GRIP1: variants seen among roughly 807,000 people sequenced by gnomAD.
GRIP1 encodes the protein glutamate receptor-interacting protein 1.
In GRIP1, 45 loss-of-function variants were observed where a neutral mutation model predicts 129.9. That is an observed-to-expected ratio of 0.35 (90% CI 0.27 to 0.44). The LOEUF (loss-of-function observed/expected upper bound fraction) is 0.44, where lower values mean the gene tolerates loss of function less well. GRIP1 is among the 20% of genes least tolerant of loss of function. The pLI is 1.00. For synonymous variants in GRIP1, 530 were observed against 520.8 expected, an observed-to-expected ratio of 1.02 and a Z score of -0.24; for missense variants, 1,196 against 1,396.8, an observed-to-expected ratio of 0.86 and a Z score of 2.29.
intron 1 of GRIP1, among the ~76,000 whole-genome samples, chr12:66,853,058 G>A (rs770419649): frequency 1.4e-4 from 22 of 151,806 alleles, no homozygotes; most frequent in Non-Finnish European, 3.1e-4. Context: ...CCCTCAATAA[G>A]CATGAAAAGT....
At chr12:66,545,499 C>T (rs1201810283) in intron 2 of GRIP1, among the ~76,000 whole-genome samples, 2 of 152,122 alleles carry the variant, frequency 1.3e-5, no homozygotes, top group Non-Finnish European at 2.9e-5. Context: ...GCCCCATTTA[C>T]AATAGCCAAA....
At chr12:66,864,499 T>C (rs978282205) in intron 1 of GRIP1, among the ~76,000 whole-genome samples, 1 of 152,048 alleles carries the variant, frequency 6.6e-6, no homozygotes. Flanking sequence ...TAGGATTGCT[T>C]GAGCCTGTAA....
At chr12:66,582,358 C>T (rs2063422688) in intron 2 of GRIP1, among the ~76,000 whole-genome samples, 1 of 143,002 alleles carries the variant, frequency 7.0e-6, no homozygotes, top group Non-Finnish European at 1.6e-5. Context: ...GACAGGGATG[C>T]CCTCTCTCAC....
At chr12:66,608,782 G>C (rs2064659183) in intron 1 of GRIP1, among the ~76,000 whole-genome samples, 1 of 152,038 alleles carries the variant, frequency 6.6e-6, no homozygotes, top group Non-Finnish European at 1.5e-5. Flanking sequence ...GACCACATAG[G>C]ATTGCTGTGA....
intron 19 of GRIP1, among the ~76,000 whole-genome samples, chr12:66,383,286 C>A (rs887643438): frequency 1.4e-5 from 2 of 141,992 alleles, no homozygotes; most frequent in Non-Finnish European, 1.5e-5. Flanking sequence ...GACAGAGCGA[C>A]ACTCTGTCTC....
intron 7 of GRIP1, among the ~76,000 whole-genome samples, chr12:66,500,381 T>C (rs1378288959): frequency 1.3e-5 from 2 of 152,170 alleles, no homozygotes; most frequent in African/African-American, 4.8e-5. Flanking sequence ...TCATTAGGTG[T>C]TCAGTGTGGC....
At chr12:66,576,484 G>T (rs2063143558) in intron 2 of GRIP1, among the ~76,000 whole-genome samples, 1 of 152,202 alleles carries the variant, frequency 6.6e-6, no homozygotes, top group South Asian at 2.1e-4. Flanking sequence ...CATCAAGTTG[G>T]AAAGAGAAGC....
At chr12:66,907,830 A>G (rs2040960694) in intron 1 of GRIP1, among the ~76,000 whole-genome samples, 1 of 152,160 alleles carries the variant, frequency 6.6e-6, no homozygotes, top group Non-Finnish European at 1.5e-5. Flanking sequence ...GCACAACAAC[A>G]AGTTCCATTC....
At chr12:66,593,451 T>A (rs890590776) in intron 2 of GRIP1, among the ~76,000 whole-genome samples, 2 of 152,192 alleles carry the variant, frequency 1.3e-5, no homozygotes, top group Non-Finnish European at 2.9e-5. Flanking sequence ...AGGACAGAAA[T>A]GTTTAAAGTT....
intron 1 of GRIP1, among the ~76,000 whole-genome samples, chr12:66,725,436 T>C (rs2036222485): frequency 6.6e-6 from 1 of 152,086 alleles, no homozygotes; most frequent in Non-Finnish European, 1.5e-5. Context: ...TTACAGTTTT[T>C]TGTTGTTTTA....
rs560092228 is a variant in GRIP1, at chr12:66,962,974, T to C, written c.58+106076A>G. 1.1e-4 allele frequency among the ~76,000 whole-genome samples: 17 copies of C among 152,250 alleles called. 1 individual carries two copies. In the South Asian group the frequency reaches 2.1e-3, roughly 19 times the overall value. On this transcript the variant is annotated intron_variant, in intron 1 of 1. Transcript: ENST00000643019. ...TGATCTAGAAAGCTGCAAGCACAAA[T>C]GTTCATAACTGGAAACTTACTAAGT...
At position 66,774,131 on chromosome 12, in the gene GRIP1, A is replaced by T. The variant is rs192303390; in HGVS notation, c.-420+29922T>A. 2.2e-4 allele frequency among the ~76,000 whole-genome samples: 34 copies of T among 152,304 alleles called. No homozygotes were observed. The East Asian group carries it at 5.6e-3, about 25-fold the overall frequency. On this transcript the variant is annotated intron_variant, in intron 1 of 4. Coordinates refer to the GRIP1 transcript ENST00000538373. ...TGTAGTAGTAAAAGGACAAAACCAA[A>T]TGCTTGAAAAGTGACTTTCAGGGCC... is the stretch of plus-strand genomic sequence containing the variant.
intron 1 of GRIP1, among the ~76,000 whole-genome samples, chr12:66,726,931 A>C (rs1270355141): frequency 6.6e-6 from 1 of 152,248 alleles, no homozygotes; most frequent in Non-Finnish European, 1.5e-5. Context: ...CTTCGCATTT[A>C]GAATTAGTTA....
intron 1 of GRIP1, among the ~76,000 whole-genome samples, chr12:66,915,049 T>A (rs1178667155): frequency 1.3e-5 from 2 of 152,210 alleles, no homozygotes; most frequent in Non-Finnish European, 2.9e-5. Context: ...GTTTTGTGTC[T>A]CCCAATTTAC....
chr12:66,921,262 A>G (rs2041207795), intron 1 of GRIP1, among the ~76,000 whole-genome samples: 2 of 152,362 alleles, frequency 1.3e-5, no homozygotes, highest in Admixed American at 1.3e-4. Context: ...ACTATTTTCC[A>G]TAAACCCAAC....
intron 1 of GRIP1, among the ~76,000 whole-genome samples, chr12:66,987,801 T>C (rs533677657): frequency 6.6e-6 from 1 of 152,294 alleles, no homozygotes; most frequent in East Asian, 1.9e-4. Flanking sequence ...TTAGAAAACA[T>C]CCCTTCTCAG....
intron 1 of GRIP1, among the ~76,000 whole-genome samples, chr12:66,623,367 A>C (rs1241527690): frequency 6.6e-6 from 1 of 152,202 alleles, no homozygotes; most frequent in Admixed American, 6.5e-5. Context: ...AATGAAACAG[A>C]AGCACAGAGA....
chr12:66,616,855 A>C (rs1197678999), intron 1 of GRIP1, among the ~76,000 whole-genome samples: 1 of 152,156 alleles, frequency 6.6e-6, no homozygotes, highest in Non-Finnish European at 1.5e-5. Flanking sequence ...GGCTTAGCCC[A>C]GAACAAGGAC....
intron 1 of GRIP1, among the ~76,000 whole-genome samples, chr12:66,613,623 C>T (rs914448092): frequency 3.3e-5 from 5 of 152,050 alleles, no homozygotes; most frequent in East Asian, 1.9e-4. Context: ...AAGAACTTTC[C>T]GATTTCTGTC....
Sources: allele counts gnomAD v4.1 joint callset (sites outside exome capture counted in the v4.1 genomes callset), GRCh38; gene constraint gnomAD v4.1.1; transcripts MANE v1.5; gene names NCBI Gene and HGNC (gene_info 2026-07-23, HGNC 2026-07-21).